SLC35F4: variants seen among roughly 807,000 people sequenced by gnomAD.
SLC35F4 encodes the protein chromosome 14 open reading frame 36.
SLC35F4 carries 24 observed loss-of-function variants against 44.2 expected under a neutral mutation model. That is an observed-to-expected ratio of 0.54 (90% CI 0.39 to 0.76). SLC35F4 has a LOEUF of 0.76. Among genes scored for constraint, SLC35F4 ranks in the 30% least tolerant of loss-of-function variants. The pLI is 0.00. For synonymous variants in SLC35F4, 238 were observed against 223.6 expected (o/e 1.06, Z -0.57); for missense variants, 562 against 586.1 (o/e 0.96, Z 0.42).
chr14:57,805,437 G>A (rs1022480987), intron 1 of SLC35F4, among the ~76,000 whole-genome samples: 26 of 152,176 alleles, frequency 1.7e-4, no homozygotes, highest in African/African-American at 6.3e-4. Context: ...ATACTATGCA[G>A]CCATAGAAAG....
intron 1 of SLC35F4, among the ~76,000 whole-genome samples, chr14:57,688,048 G>T (rs1459431536): frequency 6.6e-6 from 1 of 152,104 alleles, no homozygotes. Context: ...AATGTTTAGA[G>T]AATTCTGATA....
At chr14:57,658,508 G>T (rs1426819178) in intron 1 of SLC35F4, among the ~76,000 whole-genome samples, 1 of 152,166 alleles carries the variant, frequency 6.6e-6, no homozygotes, top group Non-Finnish European at 1.5e-5. Flanking sequence ...GAATGAAGAA[G>T]TTCCTTTAGT....
intron 1 of SLC35F4, chr14:57,630,629 T>C: frequency 1.3e-6 from 1 of 767,470 alleles, no homozygotes; most frequent in South Asian, 1.3e-5. Flanking sequence ...AATCACAGTC[T>C]ATGTTTAGGT....
upstream of SLC35F4, chr14:57,982,331 A>ATAGGTATTGACTCCTG (rs1881405499): frequency 6.6e-6 from 1 of 152,182 alleles, no homozygotes; most frequent in Admixed American, 6.5e-5. Context: ...CCGTGTGGCT[A>ATAGGTATTGACTCCTG]AAAAGTTATA....
chr14:57,800,976 C>G (rs1196371344), intron 1 of SLC35F4, among the ~76,000 whole-genome samples: 1 of 152,184 alleles, frequency 6.6e-6, no homozygotes, highest in Admixed American at 6.5e-5. Context: ...CTTCCCCAAC[C>G]TAGCAAGACA....
At chr14:57,668,590 C>G (rs1471525241) in intron 1 of SLC35F4, among the ~76,000 whole-genome samples, 1 of 152,090 alleles carries the variant, frequency 6.6e-6, no homozygotes, top group Non-Finnish European at 1.5e-5. Context: ...AATAGGGAAT[C>G]CTTTCCCCAT....
chr14:57,970,477 T>G (rs1368475526), intron 1 of SLC35F4, among the ~76,000 whole-genome samples: 2 of 152,028 alleles, frequency 1.3e-5, no homozygotes, highest in Non-Finnish European at 2.9e-5. Context: ...GCTAAAAGAG[T>G]CTATGGGTGA....
intron 1 of SLC35F4, among the ~76,000 whole-genome samples, chr14:57,625,982 C>A (rs1374727687): frequency 2.6e-5 from 4 of 151,854 alleles, no homozygotes; most frequent in Non-Finnish European, 5.9e-5. Flanking sequence ...CCATGGAATA[C>A]TAAGCAGCCA....
intron 1 of SLC35F4, among the ~76,000 whole-genome samples, chr14:57,835,693 G>T (rs938883775): frequency 6.6e-6 from 1 of 152,164 alleles, no homozygotes; most frequent in African/African-American, 2.4e-5. Context: ...AGTCCTGGAG[G>T]ACAGGCCAAA....
chr14:57,702,416 C>T (rs7143383), intron 1 of SLC35F4, among the ~76,000 whole-genome samples: 40,622 of 151,212 alleles, frequency 0.27, 6,151 homozygotes, highest in African/African-American at 0.41. Context: ...TTGTACTTCC[C>T]TCTATTTTAA....
At chr14:57,932,404 T>C (rs1889714880) in intron 1 of SLC35F4, among the ~76,000 whole-genome samples, 1 of 152,242 alleles carries the variant, frequency 6.6e-6, no homozygotes, top group Non-Finnish European at 1.5e-5. Context: ...TTCACAGTCA[T>C]AGTTTTCACG....
chr14:57,594,655 GCA>G (rs749993047), intron 1 of SLC35F4, among the ~76,000 whole-genome samples: 149 of 152,308 alleles, frequency 9.8e-4, no homozygotes, highest in Middle Eastern at 3.4e-3. Context: ...GGCAAGGAAG[GCA>G]CAGTGTTCTG....
At chr14:57,917,876 C>T (rs962122167) in intron 1 of SLC35F4, among the ~76,000 whole-genome samples, 9 of 152,148 alleles carry the variant, frequency 5.9e-5, no homozygotes, top group African/African-American at 2.2e-4. Flanking sequence ...TGTGGCCCTG[C>T]ATTATGAACC....
intron 1 of SLC35F4, among the ~76,000 whole-genome samples, chr14:57,787,667 T>C (rs1469842067): frequency 1.3e-5 from 2 of 152,122 alleles, no homozygotes; most frequent in African/African-American, 2.4e-5. Context: ...CTAACCTTCA[T>C]ATATGAAGGA....
intron 1 of SLC35F4, among the ~76,000 whole-genome samples, chr14:57,901,113 G>A (rs147812606): frequency 0.011 from 1,605 of 152,266 alleles, 27 homozygotes; most frequent in African/African-American, 0.036. Flanking sequence ...ACAGTGTGGC[G>A]ATTCTTCAAA....
intron 1 of SLC35F4, among the ~76,000 whole-genome samples, chr14:57,937,600 GAAAAGAAAAGAAAAGAAAA>G (rs1566505632): frequency 0.068 from 4,745 of 70,030 alleles, 135 homozygotes; most frequent in Non-Finnish European, 0.078. Flanking sequence ...GAAAAGAAAA[GAAAAGAAAAGAAAAGAAAA>G]GAAAAGAAAA....
chr14:57,743,674 G>C (rs186914291), intron 1 of SLC35F4, among the ~76,000 whole-genome samples: 5 of 152,256 alleles, frequency 3.3e-5, no homozygotes, highest in Admixed American at 3.3e-4. Context: ...CATTCCTTCT[G>C]AAACTATTCC....
chr14:57,797,189 G>A (rs1334271759), intron 1 of SLC35F4, among the ~76,000 whole-genome samples: 1 of 152,172 alleles, frequency 6.6e-6, no homozygotes, highest in East Asian at 1.9e-4. Context: ...CTTATCCATA[G>A]TCTAGCAGTC....
chr14:57,974,445 C>T (rs1881150624), downstream of SLC35F4, among the ~76,000 whole-genome samples: 1 of 152,234 alleles, frequency 6.6e-6, no homozygotes, highest in African/African-American at 2.4e-5. Context: ...TAGACTCCAT[C>T]TCTCAATAGG....
Sources: allele counts gnomAD v4.1 joint callset (sites outside exome capture counted in the v4.1 genomes callset), GRCh38; gene constraint gnomAD v4.1.1; transcripts MANE v1.5; gene names NCBI Gene and HGNC (gene_info 2026-07-23, HGNC 2026-07-21).